The following ARHGAP25 variants were observed in gnomAD, a reference collection of about 807,000 sequenced individuals.
ARHGAP25 encodes the protein rho GTPase-activating protein 25.
A neutral mutation model predicts 71.0 loss-of-function variants in ARHGAP25; 34 were observed. That is an observed-to-expected ratio of 0.48 (90% CI 0.36 to 0.64). The LOEUF (loss-of-function observed/expected upper bound fraction) is 0.64. ARHGAP25 is among the 30% of genes least tolerant of loss of function. ARHGAP25 has a pLI of 0.00. For missense variants in ARHGAP25, 706 were observed against 805.1 expected (o/e 0.88, Z 1.49); for synonymous variants, 282 against 296.5 (o/e 0.95, Z 0.50).
At chr2:68,733,187 C>T (rs1402663116), upstream of ARHGAP25, among the ~76,000 whole-genome samples, 2 of 152,222 alleles carry the variant, frequency 1.3e-5, no homozygotes, top group African/African-American at 4.8e-5. Flanking sequence ...AACCATGGGC[C>T]GTGGGAGCCC....
At chr2:68,775,775 A>G (rs888309275) in intron 2 of ARHGAP25, 7 of 478,736 alleles carry the variant, frequency 1.5e-5, no homozygotes, top group Non-Finnish European at 2.5e-5. Context: ...TTTGTTCAGT[A>G]AGTATTTATT....
rs1318353712 is a variant in ARHGAP25 at position 68,767,033 on chromosome 2, G to C, written c.62-8188G>C. Among the ~76,000 whole-genome samples the C allele has an allele frequency of 6.6e-6, 1 of 152,130 alleles. No homozygotes were observed. Among genetic ancestry groups the C allele is most frequent in the African/African-American group, 2.4e-5 (1 of 41,408 alleles). On this transcript the variant is annotated intron_variant, in intron 1 of 10. Coordinates refer to ENST00000409202, the MANE Select transcript of ARHGAP25 (RefSeq NM_001007231.3). The surrounding 1 kb of genome is among the most constrained non-coding windows in gnomAD (Gnocchi z 4.6). ...GAAATCTGCCCAATTCCGGAGTATT[G>C]AGGCAGGCATTTAGGGAACAACTTT...
intron 4 of ARHGAP25, among the ~76,000 whole-genome samples, chr2:68,799,434 C>A (rs982249564): frequency 6.6e-6 from 1 of 152,184 alleles, no homozygotes; most frequent in African/African-American, 2.4e-5. Flanking sequence ...AGATCATTAT[C>A]TCTGAAGGCC....
chr2:68,716,733 A>G (rs1461575792), intron 2 of ARHGAP25, among the ~76,000 whole-genome samples: 1 of 152,212 alleles, frequency 6.6e-6, no homozygotes, highest in East Asian at 1.9e-4. Context: ...GTGAGAAACC[A>G]CCGTGGGATC....
chr2:68,775,850 A>G lies in ARHGAP25; in HGVS notation c.261+430A>G, dbSNP rs186722257. The G allele has an allele frequency of 3.1e-5, 11 of 359,602 alleles. No homozygotes were observed. In the East Asian group the frequency reaches 6.7e-4, roughly 22 times the overall value. 22.3% of individuals were successfully genotyped at this position (359,602 alleles called of 1,614,324 possible). The stretch of plus-strand genomic sequence containing the variant: ...AAATAAACTATGAGCAAAACAGATA[A>G]AAATCTCTTCCATATGCAGCTTAGA... On this transcript the variant is annotated intron_variant, in intron 2 of 10. Coordinates refer to ENST00000409202, the MANE Select transcript of ARHGAP25 (RefSeq NM_001007231.3).
intron 2 of ARHGAP25, among the ~76,000 whole-genome samples, chr2:68,721,432 G>T (rs1674758362): frequency 6.6e-6 from 1 of 152,154 alleles, no homozygotes; most frequent in African/African-American, 2.4e-5. Flanking sequence ...CTTAATCTCT[G>T]CCCTATTTAC....
At chr2:68,746,761 C>A (rs559022376) in intron 1 of ARHGAP25, among the ~76,000 whole-genome samples, 1 of 151,748 alleles carries the variant, frequency 6.6e-6, no homozygotes, top group Non-Finnish European at 1.5e-5. Flanking sequence ...AATCCCAGTA[C>A]TTTGGGAGGC....
chr2:68,824,729 G>C (rs576934985), intron 10 of ARHGAP25, among the ~76,000 whole-genome samples: 3 of 151,780 alleles, frequency 2.0e-5, no homozygotes, highest in Admixed American at 6.6e-5. Context: ...GCAACAGAGC[G>C]AGACTCCGTC....
chr2:68,713,416 G>A (rs991494338), intron 2 of ARHGAP25, among the ~76,000 whole-genome samples: 1 of 152,090 alleles, frequency 6.6e-6, no homozygotes, highest in African/African-American at 2.4e-5. Context: ...GAGACGATGG[G>A]GTTTTCTAAA....
At chr2:68,798,445 A>G (rs1229444708) in intron 4 of ARHGAP25, among the ~76,000 whole-genome samples, 1 of 151,988 alleles carries the variant, frequency 6.6e-6, no homozygotes, top group Non-Finnish European at 1.5e-5. Context: ...TCTTTCTTTA[A>G]TATGTGCTAT....
intron 9 of ARHGAP25, 151 bp downstream of exon 9, chr2:68,819,470 T>C: frequency 1.3e-6 from 1 of 798,654 alleles, no homozygotes. Flanking sequence ...TGAACACACC[T>C]TGAAAGCCTG....
intron 1 of ARHGAP25, among the ~76,000 whole-genome samples, chr2:68,749,979 T>C (rs1676057889): frequency 6.6e-6 from 1 of 152,300 alleles, no homozygotes; most frequent in African/African-American, 2.4e-5. Flanking sequence ...TATTCCAGAG[T>C]ACAGCTTTGA....
intron 3 of ARHGAP25, among the ~76,000 whole-genome samples, chr2:68,784,931 T>C (rs566289007): frequency 1.9e-4 from 29 of 151,440 alleles, no homozygotes; most frequent in Non-Finnish European, 4.1e-4. Context: ...GCCGGCAGAG[T>C]TTGTGTTATT....
intron 1 of ARHGAP25, among the ~76,000 whole-genome samples, chr2:68,740,315 A>G (rs933422276): frequency 2.6e-5 from 4 of 152,144 alleles, no homozygotes; most frequent in African/African-American, 9.7e-5. Context: ...TGCACATTGT[A>G]TCTACTTTTT....
intron 5 of ARHGAP25, among the ~76,000 whole-genome samples, chr2:68,808,535 T>C (rs999766611): frequency 6.6e-6 from 1 of 152,182 alleles, no homozygotes; most frequent in African/African-American, 2.4e-5. Context: ...TTCTTGCCCT[T>C]AATAAGTTAA....
At chr2:68,750,952 C>A (rs1038713507) in intron 1 of ARHGAP25, among the ~76,000 whole-genome samples, 2 of 152,202 alleles carry the variant, frequency 1.3e-5, no homozygotes, top group Non-Finnish European at 2.9e-5. Context: ...TGTCAACAGA[C>A]CCCTGGAAAA....
chr2:68,812,410 CG>C (rs1558657108), intron 5 of ARHGAP25, among the ~76,000 whole-genome samples: 8 of 152,184 alleles, frequency 5.3e-5, no homozygotes, highest in Non-Finnish European at 8.8e-5. Flanking sequence ...ACTGAACAGC[CG>C]TGCCTCTTTC....
intron 5 of ARHGAP25, among the ~76,000 whole-genome samples, chr2:68,809,964 C>A (rs966729657): frequency 1.3e-5 from 2 of 152,122 alleles, no homozygotes; most frequent in Non-Finnish European, 2.9e-5. Flanking sequence ...ACACTTCTCA[C>A]CCCTATGTGT....
intron 5 of ARHGAP25, among the ~76,000 whole-genome samples, chr2:68,809,835 T>C (rs1011336377): frequency 1.3e-5 from 2 of 152,168 alleles, no homozygotes; most frequent in African/African-American, 4.8e-5. Context: ...GTGAGCAAAG[T>C]TGCTGTTTGG....
Sources: gnomAD v4.1 joint callset for allele counts (sites outside exome capture counted in the v4.1 genomes callset) on GRCh38, gnomAD v4.1.1 for gene constraint, Gnocchi (gnomAD v3.1) non-coding constraint, MANE v1.5 for transcripts, NCBI Gene and HGNC (gene_info 2026-07-23, HGNC 2026-07-21) for gene names.